Variants in ANKS1B observed in about 807,000 individuals in gnomAD.
ANKS1B encodes the protein ankyrin repeat and sterile alpha motif domain-containing protein 1B.
Under a neutral mutation model 148.3 loss-of-function variants are expected in ANKS1B, and 36 were observed. The ratio of observed to expected loss-of-function variants is 0.24; its 90% CI spans 0.19 to 0.32. ANKS1B has a LOEUF of 0.32. Among genes scored for constraint, ANKS1B ranks in the 10% least tolerant of loss-of-function variants. The probability of loss-of-function intolerance (pLI) is 1.00; values close to 1 mark genes in which losing one functional copy is unlikely to be tolerated. For synonymous variants in ANKS1B, 542 were observed against 560.8 expected (o/e 0.97, Z 0.47); for missense variants, 1,157 against 1,542.6 (o/e 0.75, Z 4.19).
intron 25 of ANKS1B, among the ~76,000 whole-genome samples, chr12:98,766,982 AT>A (rs11295642): frequency 0.54 from 73,459 of 134,866 alleles, 19,211 homozygotes; most frequent in East Asian, 0.74. Flanking sequence ...TTATTTATTA[AT>A]TTTTTTTTTT....
chr12:99,940,588 A>T lies in ANKS1B; in HGVS notation c.134+43516T>A, dbSNP rs2094895586. ...CAGCCAATCAACGAAGCCAAAAAAA[A>T]TGATACTTAAAATAAATACCTGAAA... On this transcript the variant is annotated intron_variant, in intron 1 of 26. Coordinates refer to ENST00000683438, the MANE Select transcript of ANKS1B (RefSeq NM_001352186.2). Among the ~76,000 whole-genome samples, 3 of 152,288 alleles carry T rather than the reference A, an allele frequency of 2.0e-5. No individual in the cohort carries two copies. In the South Asian group the frequency reaches 6.2e-4, roughly 32 times the overall value.
chr12:99,908,594 A>G (rs1257029936), intron 1 of ANKS1B, among the ~76,000 whole-genome samples: 1 of 152,124 alleles, frequency 6.6e-6, no homozygotes, highest in Non-Finnish European at 1.5e-5. Context: ...GAAAAGAAAG[A>G]AAAATTAATT....
chr12:99,729,757 G>A (rs1454099753), intron 8 of ANKS1B, among the ~76,000 whole-genome samples: 1 of 151,974 alleles, frequency 6.6e-6, no homozygotes, highest in Non-Finnish European at 1.5e-5. Context: ...GGCAACTCTG[G>A]GTAAACCCAC....
intron 4 of ANKS1B, among the ~76,000 whole-genome samples, chr12:99,788,741 T>C (rs146820917): frequency 2.3e-4 from 35 of 151,936 alleles, no homozygotes; most frequent in South Asian, 1.2e-3. Context: ...TACTGCCCTA[T>C]AGGGTGAGTC....
chr12:99,726,623 C>T (rs1353034554), intron 8 of ANKS1B, among the ~76,000 whole-genome samples: 1 of 152,126 alleles, frequency 6.6e-6, no homozygotes, highest in African/African-American at 2.4e-5. Context: ...AGGTACTCTT[C>T]CCTAACTAAT....
intron 12 of ANKS1B, among the ~76,000 whole-genome samples, chr12:99,358,445 G>A (rs1227689169): frequency 1.3e-5 from 2 of 151,850 alleles, no homozygotes; most frequent in African/African-American, 4.8e-5. Context: ...ATATTTAGTA[G>A]GGTTTTTATA....
chr12:99,771,365 C>T (rs1334809431), intron 8 of ANKS1B, among the ~76,000 whole-genome samples: 1 of 151,934 alleles, frequency 6.6e-6, no homozygotes, highest in Non-Finnish European at 1.5e-5. Flanking sequence ...TTTGGAAACC[C>T]TGGTCTAAAA....
intron 9 of ANKS1B, among the ~76,000 whole-genome samples, chr12:99,567,007 C>T (rs1164571289): frequency 1.3e-5 from 2 of 152,188 alleles, no homozygotes; most frequent in Admixed American, 6.5e-5. Context: ...CAGTCAGTTT[C>T]TCCTGCTTTT....
At chr12:99,642,313 A>G (rs1368909827) in intron 9 of ANKS1B, among the ~76,000 whole-genome samples, 1 of 152,200 alleles carries the variant, frequency 6.6e-6, no homozygotes, top group Non-Finnish European at 1.5e-5. Flanking sequence ...CCTTGAGTGC[A>G]TCTATGAGAG....
intron 15 of ANKS1B, among the ~76,000 whole-genome samples, chr12:99,124,906 A>G (rs569329633): frequency 1.3e-5 from 2 of 152,308 alleles, no homozygotes; most frequent in African/African-American, 4.8e-5. Context: ...CGGCAATGGG[A>G]AAGTCACTGA....
chr12:99,671,634 GT>G (rs1162093380), intron 8 of ANKS1B, among the ~76,000 whole-genome samples: 1 of 152,084 alleles, frequency 6.6e-6, no homozygotes, highest in East Asian at 1.9e-4. Flanking sequence ...TATTAACTAA[GT>G]CATGATAAAT....
intron 14 of ANKS1B, among the ~76,000 whole-genome samples, chr12:99,238,830 G>C (rs571044643): frequency 1.3e-5 from 2 of 152,302 alleles, no homozygotes; most frequent in Non-Finnish European, 2.9e-5. Flanking sequence ...GGGCTTGACT[G>C]TTAGAAGGAA....
intron 8 of ANKS1B, among the ~76,000 whole-genome samples, chr12:99,736,743 A>C (rs561648058): frequency 6.6e-6 from 1 of 152,256 alleles, no homozygotes; most frequent in South Asian, 2.1e-4. Context: ...GAAACAATCA[A>C]CAGAGTGGAG....
intron 12 of ANKS1B, among the ~76,000 whole-genome samples, chr12:99,369,779 T>TA (rs770521138): frequency 6.2e-5 from 9 of 145,300 alleles, no homozygotes; most frequent in African/African-American, 2.4e-4. Context: ...GATAGATAGA[T>TA]AGATAGATAG....
intron 1 of ANKS1B, among the ~76,000 whole-genome samples, chr12:99,977,800 C>A (rs892729946): frequency 3.9e-5 from 6 of 152,172 alleles, no homozygotes; most frequent in Non-Finnish European, 7.4e-5. Flanking sequence ...ATAGAAGCGT[C>A]TTCTTTGTAA....
chr12:99,209,304 C>A (rs1229806764), intron 14 of ANKS1B, among the ~76,000 whole-genome samples: 2 of 152,180 alleles, frequency 1.3e-5, no homozygotes, highest in African/African-American at 2.4e-5. Context: ...ATTTTGCCAA[C>A]AAATTAGTCT....
At chr12:99,104,258 C>T (rs949282945) in intron 15 of ANKS1B, among the ~76,000 whole-genome samples, 1 of 151,914 alleles carries the variant, frequency 6.6e-6, no homozygotes, top group Admixed American at 6.6e-5. Flanking sequence ...AGTGTATATG[C>T]GTGTATGTGT....
chr12:99,136,747 G>T (rs747482225), intron 15 of ANKS1B, among the ~76,000 whole-genome samples: 1 of 152,208 alleles, frequency 6.6e-6, no homozygotes, highest in African/African-American at 2.4e-5. Context: ...GCTGGGAACA[G>T]GGAGAAGAAT....
At chr12:99,571,244 C>A (rs1248737600) in intron 9 of ANKS1B, among the ~76,000 whole-genome samples, 1 of 152,052 alleles carries the variant, frequency 6.6e-6, no homozygotes, top group African/African-American at 2.4e-5. Flanking sequence ...CATTCTTCCT[C>A]CACAACCCTT....
Sources: allele counts gnomAD v4.1 joint callset (sites outside exome capture counted in the v4.1 genomes callset), GRCh38; gene constraint gnomAD v4.1.1; transcripts MANE v1.5; gene names NCBI Gene and HGNC (gene_info 2026-07-23, HGNC 2026-07-21).